SETBP1: variants seen among roughly 807,000 people sequenced by gnomAD.
The protein encoded by SETBP1 is SET binding protein 1, also known as SET-binding protein.
SETBP1 carries 9 observed loss-of-function variants against 101.0 expected under a neutral mutation model. The observed-to-expected ratio is 0.09, with a 90% CI of 0.05 to 0.16. The LOEUF (loss-of-function observed/expected upper bound fraction) is 0.16, where lower values mean the gene tolerates loss of function less well. Ranked by LOEUF, SETBP1 falls within the 10% of genes least tolerant of loss-of-function variation. The probability of loss-of-function intolerance (pLI) is 1.00; values close to 1 mark genes in which losing one functional copy is unlikely to be tolerated. For missense variants in SETBP1, 1,858 were observed against 2,033.8 expected, an observed-to-expected ratio of 0.91 and a Z score of 1.66; for synonymous variants, 818 against 788.5, an observed-to-expected ratio of 1.04 and a Z score of -0.63.
At chr18:44,964,517 G>T (rs1453833966) in intron 4 of SETBP1, among the ~76,000 whole-genome samples, 1 of 151,642 alleles carries the variant, frequency 6.6e-6, no homozygotes, top group African/African-American at 2.4e-5. Flanking sequence ...GGTCCCAATG[G>T]CAAGGACAAT....
At chr18:44,720,610 C>T (rs761158032) in intron 2 of SETBP1, among the ~76,000 whole-genome samples, 37 of 152,194 alleles carry the variant, frequency 2.4e-4, no homozygotes, top group Non-Finnish European at 4.9e-4. Context: ...GTTAGGCCCA[C>T]GCATGGTGCT....
chr18:44,979,437 C>A (rs932408141), intron 4 of SETBP1, among the ~76,000 whole-genome samples: 1 of 152,182 alleles, frequency 6.6e-6, no homozygotes, highest in Non-Finnish European at 1.5e-5. Flanking sequence ...GCTCAATCCA[C>A]AATCTTGAAA....
intron 5 of SETBP1, among the ~76,000 whole-genome samples, chr18:45,048,056 G>T (rs1173261042): frequency 6.6e-6 from 1 of 152,180 alleles, no homozygotes; most frequent in East Asian, 1.9e-4. Flanking sequence ...GAGACCAGAA[G>T]GGTTACAAAT....
At chr18:44,893,884 C>T (rs562896022) in intron 3 of SETBP1, among the ~76,000 whole-genome samples, 34 of 152,182 alleles carry the variant, frequency 2.2e-4, no homozygotes, top group South Asian at 4.2e-4. Flanking sequence ...CTCTCTCATA[C>T]GGTCAAAACA....
At chr18:44,889,200 A>G (rs181645913) in intron 3 of SETBP1, among the ~76,000 whole-genome samples, 104 of 152,214 alleles carry the variant, frequency 6.8e-4, no homozygotes, top group African/African-American at 2.3e-3. Flanking sequence ...TTCCTTCATT[A>G]ATCTCCAGGG....
chr18:45,016,282 G>T (rs904585696), intron 4 of SETBP1, among the ~76,000 whole-genome samples: 5 of 152,156 alleles, frequency 3.3e-5, no homozygotes, highest in African/African-American at 1.2e-4. Context: ...CAGCCACAGC[G>T]TCTAGGAGAA....
At chr18:45,034,619 G>A (rs1362237256) in intron 4 of SETBP1, among the ~76,000 whole-genome samples, 1 of 152,066 alleles carries the variant, frequency 6.6e-6, no homozygotes, top group Non-Finnish European at 1.5e-5. Context: ...TTTCCTTCCG[G>A]CTGTGTCTTT....
At chr18:44,976,688 T>C (rs2071995856) in intron 4 of SETBP1, among the ~76,000 whole-genome samples, 1 of 152,218 alleles carries the variant, frequency 6.6e-6, no homozygotes, top group South Asian at 2.1e-4. Flanking sequence ...GGATCCCAGC[T>C]CTGTCACTCA....
At chr18:44,715,059 G>C (rs947294127) in intron 2 of SETBP1, among the ~76,000 whole-genome samples, 2 of 152,162 alleles carry the variant, frequency 1.3e-5, no homozygotes, top group Non-Finnish European at 2.9e-5. Flanking sequence ...GGGTGTTTGG[G>C]ACTCAAACCC....
intron 2 of SETBP1, among the ~76,000 whole-genome samples, chr18:44,868,712 GAGGAAGGAAGGAAGGAAGGAAGGA>G (rs67399583): frequency 2.2e-4 from 6 of 27,856 alleles, no homozygotes; most frequent in East Asian, 7.9e-4. Flanking sequence ...GGAAGGAAGG[GAGGAAGGAAGGAAGGAAGGAAGGA>G]AGGAAGGAAG....
At chr18:44,743,798 C>CCT (rs2070154210) in intron 2 of SETBP1, among the ~76,000 whole-genome samples, 1 of 152,194 alleles carries the variant, frequency 6.6e-6, no homozygotes, top group Non-Finnish European at 1.5e-5. Context: ...CATAGCCACA[C>CCT]CTCACCCTGC....
At chr18:44,972,265 T>G (rs2071882424) in intron 4 of SETBP1, among the ~76,000 whole-genome samples, 1 of 152,210 alleles carries the variant, frequency 6.6e-6, no homozygotes, top group African/African-American at 2.4e-5. Flanking sequence ...CCCATGCTGT[T>G]TTGGTTACTG....
intron 2 of SETBP1, among the ~76,000 whole-genome samples, chr18:44,834,630 A>G (rs2072455408): frequency 6.6e-6 from 1 of 152,200 alleles, no homozygotes; most frequent in East Asian, 1.9e-4. Flanking sequence ...GGGACCAGTA[A>G]ATGTAATGAT....
chr18:44,774,539 C>A (rs976463424), intron 2 of SETBP1, among the ~76,000 whole-genome samples: 9 of 152,256 alleles, frequency 5.9e-5, no homozygotes, highest in Middle Eastern at 3.4e-3. Flanking sequence ...AGGTGGTGAT[C>A]ACAAGTAGGA....
intron 3 of SETBP1, among the ~76,000 whole-genome samples, chr18:44,896,923 A>G (rs2069917351): frequency 6.6e-6 from 1 of 152,124 alleles, no homozygotes; most frequent in Non-Finnish European, 1.5e-5. Flanking sequence ...AGCAGCCATC[A>G]ATCCACCCAA....
At chr18:44,914,513 G>A (rs938449233) in intron 3 of SETBP1, among the ~76,000 whole-genome samples, 6 of 152,194 alleles carry the variant, frequency 3.9e-5, no homozygotes, top group Admixed American at 3.9e-4. Context: ...AAGACTGGAA[G>A]TAAACGAATG....
chr18:45,047,389 CAT>C, intron 5 of SETBP1, among the ~76,000 whole-genome samples: 1 of 152,288 alleles, frequency 6.6e-6, no homozygotes, highest in East Asian at 1.9e-4. Flanking sequence ...TTAAAGGGCA[CAT>C]ATATTTTATG....
chr18:45,051,094 G>T (rs969693682), intron 5 of SETBP1, among the ~76,000 whole-genome samples: 14 of 152,018 alleles, frequency 9.2e-5, no homozygotes, highest in African/African-American at 3.1e-4. Context: ...TTATATGAGA[G>T]CATATGTCTG....
chr18:44,876,206 G>A (rs2069399138), intron 3 of SETBP1, among the ~76,000 whole-genome samples: 1 of 152,156 alleles, frequency 6.6e-6, no homozygotes, highest in Admixed American at 6.5e-5. Context: ...ACAGAGGTAG[G>A]CAGGGCCAGC....
Sources: allele counts gnomAD v4.1 joint callset (sites outside exome capture counted in the v4.1 genomes callset), GRCh38; gene constraint gnomAD v4.1.1; transcripts MANE v1.5; gene names NCBI Gene and HGNC (gene_info 2026-07-23, HGNC 2026-07-21).